The following PTPRD variants were observed in gnomAD, a reference collection of about 807,000 sequenced individuals.
PTPRD encodes the protein protein tyrosine phosphatase receptor type D, also known as receptor-type tyrosine-protein phosphatase delta.
In PTPRD, 34 loss-of-function variants were observed where a neutral mutation model predicts 214.5. The ratio of observed to expected loss-of-function variants is 0.16; its 90% CI spans 0.12 to 0.21. The LOEUF is 0.21. Ranked by LOEUF, PTPRD falls within the 10% of genes least tolerant of loss-of-function variation. The pLI, the probability that PTPRD is intolerant of heterozygous loss-of-function variation, is 1.00. For synonymous variants in PTPRD, 1,128 were observed against 845.7 expected, an observed-to-expected ratio of 1.33 and a Z score of -5.79; for missense variants, 2,545 against 2,398.7, an observed-to-expected ratio of 1.06 and a Z score of -1.27.
At chr9:8,420,386 T>C (rs2094271343) in intron 35 of PTPRD, among the ~76,000 whole-genome samples, 1 of 152,156 alleles carries the variant, frequency 6.6e-6, no homozygotes, top group Non-Finnish European at 1.5e-5. Flanking sequence ...AAAATTTTTA[T>C]TTTTATTTAT....
At chr9:9,758,874 C>G (rs940684837) in intron 6 of PTPRD, among the ~76,000 whole-genome samples, 2 of 151,328 alleles carry the variant, frequency 1.3e-5, no homozygotes, top group African/African-American at 4.9e-5. Context: ...ATAATCAAAA[C>G]TAATTCTTAA....
At chr9:10,347,939 C>CT (rs541242685) in intron 2 of PTPRD, among the ~76,000 whole-genome samples, 104 of 151,988 alleles carry the variant, frequency 6.8e-4, no homozygotes, top group African/African-American at 2.3e-3. Context: ...TGCCTGGAGT[C>CT]CCTGCTATTC....
Position 10,279,045 on chromosome 9 carries a change from C to A in PTPRD, c.-545+61918G>T, listed in dbSNP as rs191466060. Reference sequence around the variant, plus strand: ...CGCCTTGGCCTCCCAAAGTGCTGGGCTCACAGGCCTGAGCCACCGCGCCTG... The same window carrying A: ...CGCCTTGGCCTCCCAAAGTGCTGGGATCACAGGCCTGAGCCACCGCGCCTG... On this transcript the variant is annotated intron_variant, in intron 3 of 45. Coordinates refer to ENST00000381196, the MANE Select transcript of PTPRD (RefSeq NM_002839.4). Among the ~76,000 whole-genome samples, 828 of 152,154 alleles carry A rather than the reference C, an allele frequency of 5.4e-3. 6 individuals are homozygous for A. Among genetic ancestry groups the A allele is most frequent in the African/African-American group, 0.016 (645 of 41,542 alleles).
At chr9:9,733,710 G>T (rs1022541391) in intron 7 of PTPRD, among the ~76,000 whole-genome samples, 16 of 152,112 alleles carry the variant, frequency 1.1e-4, no homozygotes, top group Non-Finnish European at 2.1e-4. Flanking sequence ...CAGTATTATG[G>T]AAAGGGTCAC....
At chr9:9,828,085 A>T (rs1328147901) in intron 5 of PTPRD, among the ~76,000 whole-genome samples, 2 of 152,180 alleles carry the variant, frequency 1.3e-5, no homozygotes, top group African/African-American at 4.8e-5. Flanking sequence ...CCCTTGTGGA[A>T]GTCAGTGTGG....
At chr9:9,405,406 G>A (rs1035958191) in intron 8 of PTPRD, among the ~76,000 whole-genome samples, 3 of 151,898 alleles carry the variant, frequency 2.0e-5, no homozygotes, top group Non-Finnish European at 4.4e-5. Flanking sequence ...ATCTAACTCC[G>A]GTAGAAGAAA....
intron 2 of PTPRD, among the ~76,000 whole-genome samples, chr9:10,495,309 T>C (rs947226283): frequency 6.6e-6 from 1 of 151,796 alleles, no homozygotes; most frequent in African/African-American, 2.4e-5. Context: ...TCACTCAGAC[T>C]TGAGAGACAT....
chr9:9,616,409 T>A (rs2094865159), intron 7 of PTPRD, among the ~76,000 whole-genome samples: 1 of 152,130 alleles, frequency 6.6e-6, no homozygotes, highest in Non-Finnish European at 1.5e-5. Flanking sequence ...GCAACAAAAG[T>A]AAGCTCAAAA....
chr9:8,504,231 G>A (rs755775121), intron 23 of PTPRD, 30 bp downstream of exon 23: 1 of 1,612,604 alleles, frequency 6.2e-7, no homozygotes. Flanking sequence ...GAAATAAAAA[G>A]GCAGAAAGTA....
intron 7 of PTPRD, among the ~76,000 whole-genome samples, chr9:9,699,353 A>G (rs116318998): frequency 0.013 from 1,950 of 152,282 alleles, 44 homozygotes; most frequent in African/African-American, 0.044. Context: ...ATTATCTTTT[A>G]ATAAAATATT....
intron 22 of PTPRD, among the ~76,000 whole-genome samples, chr9:8,507,055 G>A (rs1310612835): frequency 1.3e-5 from 2 of 152,016 alleles, no homozygotes; most frequent in Non-Finnish European, 2.9e-5. Context: ...CATTCCAACA[G>A]GAACAAGAGT....
In PTPRD at chr9:10,558,982, T is replaced by A. The variant is rs537304130; in HGVS notation, c.-600+53416A>T. ...TCACCTTTACCAGAATTACTGAAAATCCTATTTCTATATTATATATTTTGT... is the reference window on the plus strand; with the variant it reads ...TCACCTTTACCAGAATTACTGAAAAACCTATTTCTATATTATATATTTTGT... On this transcript the variant is annotated intron_variant, in intron 2 of 45. Transcript: ENST00000381196. Among the ~76,000 whole-genome samples the A allele has an allele frequency of 5.3e-4, 80 of 152,224 alleles. 2 individuals are homozygous for A. In the South Asian group the frequency reaches 0.015, roughly 28 times the overall value.
intron 10 of PTPRD, among the ~76,000 whole-genome samples, chr9:9,034,219 G>A (rs2099614535): frequency 6.6e-6 from 1 of 152,096 alleles, no homozygotes; most frequent in Admixed American, 6.6e-5. Context: ...TAGAATATAG[G>A]TGAATCCTGG....
intron 10 of PTPRD, among the ~76,000 whole-genome samples, chr9:9,057,141 T>C: frequency 6.6e-6 from 1 of 152,186 alleles, no homozygotes; most frequent in Non-Finnish European, 1.5e-5. Flanking sequence ...AATAATCTGA[T>C]TGCAGGAAAC....
rs140510499 is a variant in PTPRD at position 8,707,500 on chromosome 9, T to C, written c.64+26280A>G. ...GCAGTGTTTCTTGATTACATTGTTC[T>C]TGGGACAAAGTGTTCCTTAAATTAC... On this transcript the variant is annotated intron_variant, in intron 12 of 45. Transcript: ENST00000381196. 2.2e-3 allele frequency among the ~76,000 whole-genome samples: 342 copies of C among 152,366 alleles called. 1 individual carries two copies. The highest frequency in any genetic ancestry group is 8.1e-3 in the African/African-American group (335 of 41,590).
intron 10 of PTPRD, among the ~76,000 whole-genome samples, chr9:9,165,725 A>G (rs1386255807): frequency 6.6e-6 from 1 of 152,220 alleles, no homozygotes; most frequent in Non-Finnish European, 1.5e-5. Flanking sequence ...CATATTAACA[A>G]GGAGATAAGT....
chr9:10,353,764 A>T (rs1158692848), intron 2 of PTPRD, among the ~76,000 whole-genome samples: 1 of 152,042 alleles, frequency 6.6e-6, no homozygotes, highest in Admixed American at 6.5e-5. Context: ...CTATTCATTA[A>T]CTTTAAACTC....
chr9:10,109,838 G>C (rs2098674465), intron 3 of PTPRD, among the ~76,000 whole-genome samples: 1 of 151,680 alleles, frequency 6.6e-6, no homozygotes, highest in African/African-American at 2.4e-5. Flanking sequence ...TTTTTTCATT[G>C]TTGCAAGGAG....
chr9:10,238,357 A>G (rs1407125571), intron 3 of PTPRD, among the ~76,000 whole-genome samples: 3 of 151,844 alleles, frequency 2.0e-5, no homozygotes, highest in Non-Finnish European at 4.4e-5. Flanking sequence ...ACCAATCAGA[A>G]CTTGCCAGTT....
Sources: allele counts gnomAD v4.1 joint callset (sites outside exome capture counted in the v4.1 genomes callset), GRCh38; gene constraint gnomAD v4.1.1; transcripts MANE v1.5; gene names NCBI Gene and HGNC (gene_info 2026-07-23, HGNC 2026-07-21).